Variants in FAM210B observed in about 807,000 individuals in gnomAD.
The protein encoded by FAM210B is family with sequence similarity 210 member B.
In FAM210B, 11 loss-of-function variants were observed where a neutral mutation model predicts 14.9. That is an observed-to-expected ratio of 0.74 (90% confidence interval 0.46 to 1.22). The LOEUF (loss-of-function observed/expected upper bound fraction) is 1.22, where lower values mean the gene tolerates loss of function less well. Ranked by LOEUF, FAM210B falls within the 50% of genes most tolerant of loss-of-function variation. FAM210B has a pLI of 0.00. For missense variants in FAM210B, 229 were observed against 250.1 expected, an observed-to-expected ratio of 0.92 and a Z score of 0.57; for synonymous variants, 113 against 110.2, an observed-to-expected ratio of 1.03 and a Z score of -0.16.
At chr20:56,365,802 C>A (rs184020497) in intron 2 of FAM210B, among the ~76,000 whole-genome samples, 2 of 151,888 alleles carry the variant, frequency 1.3e-5, no homozygotes, top group Admixed American at 6.6e-5. Flanking sequence ...CGCGTCAGGC[C>A]GATTGTATGT....
chr20:56,359,268 G>A lies in FAM210B; in HGVS notation c.186+77G>A. On this transcript the variant is annotated intron_variant, in intron 1 of 2. Transcript: ENST00000371384. The surrounding 1 kb of genome is among the most constrained non-coding windows in gnomAD (Gnocchi z 4.3). ...GTCCGCAGGGCCGCGCCGGGGTCCGGCCGCCTCCGCCAAGGACGCCTTTGC... is the reference window on the plus strand; with the variant it reads ...GTCCGCAGGGCCGCGCCGGGGTCCGACCGCCTCCGCCAAGGACGCCTTTGC... 1 of 1,197,462 alleles carries A rather than the reference G, an allele frequency of 8.4e-7. No homozygotes were observed. The highest frequency in any genetic ancestry group is 1.0e-6 in the Non-Finnish European group (1 of 964,336). 74.2% of individuals were successfully genotyped at this position (1,197,462 alleles called of 1,614,324 possible). A position where few individuals can be genotyped will look rare whatever the true frequency, so the allele number is the denominator to read the frequency against.
rs758212821 is a variant in FAM210B at position 56,365,566 on chromosome 20, C to T, written c.362+304C>T. The stretch of plus-strand genomic sequence containing the variant: ...CTGTTGCCAGACTGGAGTGCAGTGG[C>T]GTGATCTCGGCTCACTGCAAGCTCT... On this transcript the variant is annotated intron_variant, in intron 2 of 2. Coordinates refer to ENST00000371384, the MANE Select transcript of FAM210B (RefSeq NM_080821.3). Among the ~76,000 whole-genome samples, 38 of 152,078 alleles carry T rather than the reference C, an allele frequency of 2.5e-4. 1 individual carries two copies. Among genetic ancestry groups the T allele is most frequent in the Non-Finnish European group, 4.9e-4 (33 of 68,014 alleles).
Position 56,365,105 on chromosome 20 carries a change from G to A in FAM210B, c.205G>A (p.Gly69Arg). 6.2e-7 allele frequency: 1 copy of A among 1,613,410 alleles called. No individual in the cohort carries two copies. The highest frequency in any genetic ancestry group is 1.1e-5 in the South Asian group (1 of 91,018). ...TACACAGGACCCCAGCCAGGCCACG[G>A]GGACAACAGGCAGCAGCGTCAGCTG... ...RGHQDPSQAT[G>R]TTGSSVSCTE... Residue 69 changes from glycine to arginine, a missense_variant, in exon 2 of 3, where the codon GGG becomes AGG. Gly to Arg is a moderately radical substitution (Grantham distance 125). Transcript: ENST00000371384.
chr20:56,360,426 TC>T (rs1569021119), intron 1 of FAM210B: 1 of 352,228 alleles, frequency 2.8e-6, no homozygotes, highest in Non-Finnish European at 5.7e-6. Context: ...ATTGACCTTG[TC>T]CCCAGCTCAG....
chr20:56,365,799 G>A (rs1257677771), intron 2 of FAM210B, among the ~76,000 whole-genome samples: 1 of 151,924 alleles, frequency 6.6e-6, no homozygotes, highest in East Asian at 1.9e-4. Flanking sequence ...CCCCGCGTCA[G>A]GCCGATTGTA....
chr20:56,364,726 G>A (rs1489722182), intron 1 of FAM210B, among the ~76,000 whole-genome samples: 3 of 152,070 alleles, frequency 2.0e-5, no homozygotes, highest in Non-Finnish European at 4.4e-5. Context: ...AGGCCAAGGC[G>A]GGTGGATCAC....
At position 56,362,404 on chromosome 20, in the gene FAM210B, T is replaced by TGA. The variant is rs1983552573; in HGVS notation, c.187-2683_187-2682insGA. Among the ~76,000 whole-genome samples the TGA allele has an allele frequency of 2.6e-5, 4 of 152,144 alleles. No individual in the cohort carries two copies. The highest frequency in any genetic ancestry group is 1.3e-4 in the Admixed American group (2 of 15,282). On this transcript the variant is annotated intron_variant, in intron 1 of 2. Transcript: ENST00000371384. This position sits in a 1 kb window ranked among gnomAD's most constrained non-coding sequence, Gnocchi z 4.8. Reference sequence around the variant, plus strand: ...TACAGACAGAAGATGTGTCACGCCGTCCTGTGCATTCAGGACAGTGCCTAA... The same window carrying TGA: ...TACAGACAGAAGATGTGTCACGCCGTGACCTGTGCATTCAGGACAGTGCCTAA...
Position 56,363,540 on chromosome 20 carries a change from G to A in FAM210B, c.187-1547G>A, listed in dbSNP as rs1163518706. ...CAAGAGCTGACCTCCAGCCAGGTGCGCATCACCTGCCGGGACAAGCCCCAG... is the reference window on the plus strand; with the variant it reads ...CAAGAGCTGACCTCCAGCCAGGTGCACATCACCTGCCGGGACAAGCCCCAG... On this transcript the variant is annotated intron_variant, in intron 1 of 2. Transcript: ENST00000371384. The surrounding 1 kb of genome is among the most constrained non-coding windows in gnomAD (Gnocchi z 4.1). Among the ~76,000 whole-genome samples, 1 of 152,204 alleles carries A rather than the reference G, an allele frequency of 6.6e-6. No individual in the cohort carries two copies. Among genetic ancestry groups the A allele is most frequent in the South Asian group, 2.1e-4 (1 of 4,826 alleles).
chr20:56,359,114 C>T lies in FAM210B; in HGVS notation c.109C>T (p.Leu37=). ...GATAPCAPPP[L]ALALLPPRLD... ...CACCGCCCCCTGCGCCCCGCCGCCC[C>T]TGGCCCTGGCCCTGCTCCCGCCCAG... is the stretch of plus-strand genomic sequence containing the variant. The change falls in exon 1 of 3, where the codon CTG becomes TTG. Residue 37 remains leucine, a synonymous_variant. Transcript: ENST00000371384. This position sits in a 1 kb window ranked among gnomAD's most constrained non-coding sequence, Gnocchi z 4.3. 7.6e-7 allele frequency: 1 copy of T among 1,311,234 alleles called. No homozygotes were observed. The allele number at this position is 1,311,234 out of a possible 1,614,324, so 81.2% of individuals were successfully genotyped here. A position where few individuals can be genotyped will look rare whatever the true frequency, so the allele number is the denominator to read the frequency against.
In FAM210B at chr20:56,363,610, A is replaced by G. The variant is rs1983575104; in HGVS notation, c.187-1477A>G. On this transcript the variant is annotated intron_variant, in intron 1 of 2. Coordinates refer to ENST00000371384, the MANE Select transcript of FAM210B (RefSeq NM_080821.3). This position sits in a 1 kb window ranked among gnomAD's most constrained non-coding sequence, Gnocchi z 4.1. ...TTTTGATTAAAGTGCTCTGTTATTG[A>G]GAAGTGGTTTTTTTCCCTCCCCTAA... is the stretch of plus-strand genomic sequence containing the variant. Among the ~76,000 whole-genome samples, 1 of 152,130 alleles carries G rather than the reference A, an allele frequency of 6.6e-6. No individual in the cohort carries two copies. Among genetic ancestry groups the G allele is most frequent in the Non-Finnish European group, 1.5e-5 (1 of 68,042 alleles).
chr20:56,360,082 T>C (rs1279924502), intron 1 of FAM210B: 2 of 419,302 alleles, frequency 4.8e-6, no homozygotes, highest in Non-Finnish European at 9.8e-6. Context: ...GAACATCTCC[T>C]GACCGTTTCC....
In FAM210B at chr20:56,359,045, G is replaced by A. The variant is rs1983477821; in HGVS notation, c.40G>A (p.Val14Met). 2 of 1,351,522 alleles carry A rather than the reference G, an allele frequency of 1.5e-6. No individual in the cohort carries two copies. Among genetic ancestry groups the A allele is most frequent in the African/African-American group, 1.5e-5 (1 of 65,548 alleles). 83.7% of individuals were successfully genotyped at this position (1,351,522 alleles called of 1,614,324 possible). A position where few individuals can be genotyped will look rare whatever the true frequency, so the allele number is the denominator to read the frequency against. Residue 14 changes from valine (V) to methionine (M), a missense_variant, in exon 1 of 3, where the codon GTG becomes ATG. Transcript: ENST00000371384. The surrounding 1 kb of genome is among the most constrained non-coding windows in gnomAD (Gnocchi z 4.3). ...LLALLGPAGR[V>M]GARVRPRATW... ...GGCGTTGCTGGGTCCGGCAGGCAGG[G>A]TGGGCGCCCGGGTCCGGCCTCGCGC...
In FAM210B at chr20:56,366,412, A is replaced by G. The variant is rs1983637597; in HGVS notation, c.*125A>G. The stretch of plus-strand genomic sequence containing the variant: ...GTAGGGGGCTAATTGCTATGTTCTC[A>G]TGGATAAACTTTGCCAGCAAAAATC... On this transcript the variant is annotated 3_prime_UTR_variant, in exon 3 of 3. Coordinates refer to ENST00000371384, the MANE Select transcript of FAM210B (RefSeq NM_080821.3). 7 of 868,096 alleles carry G rather than the reference A, an allele frequency of 8.1e-6. No homozygotes were observed. The highest frequency in any genetic ancestry group is 2.9e-5 in the Admixed American group (1 of 34,648). The allele number at this position is 868,096 out of a possible 1,614,324, so 53.8% of individuals were successfully genotyped here. A position where few individuals can be genotyped will look rare whatever the true frequency, so the allele number is the denominator to read the frequency against.
At chr20:56,360,279 G>A in intron 1 of FAM210B, 1 of 468,708 alleles carries the variant, frequency 2.1e-6, no homozygotes, top group South Asian at 1.5e-5. Context: ...GCCCAGCCCA[G>A]CTGTTCCTTC....
In FAM210B at chr20:56,359,523, AGTT is replaced by A. The variant is rs1983489802; in HGVS notation, c.186+338_186+340del. 6.6e-6 allele frequency among the ~76,000 whole-genome samples: 1 copy of A among 152,066 alleles called. No individual in the cohort carries two copies. Among genetic ancestry groups the A allele is most frequent in the Non-Finnish European group, 1.5e-5 (1 of 68,010 alleles). On this transcript the variant is annotated intron_variant, in intron 1 of 2. Transcript: ENST00000371384. The surrounding 1 kb of genome is among the most constrained non-coding windows in gnomAD (Gnocchi z 4.3). ...CTGAACTTCCACACGTTGCCTGCGG[AGTT>A]GTTGTCCAGGCCTTCTGGCTGGGTC... is the stretch of plus-strand genomic sequence containing the variant.
Position 56,366,257 on chromosome 20 carries a change from A to G in FAM210B, c.549A>G (p.Gly183=), listed in dbSNP as rs769738548. ...PLIVRYFRKV[G]FFKPPAAKP The stretch of plus-strand genomic sequence containing the variant: ...TTGTCAGATATTTTCGAAAAGTGGG[A>G]TTTTTTAAACCTCCAGCTGCAAAAC... Residue 183 remains glycine, a synonymous_variant, in exon 3 of 3, where the codon GGA becomes GGG. Transcript: ENST00000371384. The G allele has an allele frequency of 3.7e-5, 59 of 1,614,060 alleles. No individual in the cohort carries two copies. The South Asian group carries it at 6.5e-4, about 18-fold the overall frequency.
In FAM210B at chr20:56,365,361, G is replaced by T. The variant is rs560018680; in HGVS notation, c.362+99G>T. The T allele has an allele frequency of 5.5e-5, 73 of 1,321,822 alleles. No individual in the cohort carries two copies. The African/African-American group carries it at 8.8e-4, about 16-fold the overall frequency. 81.9% of individuals were successfully genotyped at this position (1,321,822 alleles called of 1,614,324 possible). A position where few individuals can be genotyped will look rare whatever the true frequency, so the allele number is the denominator to read the frequency against. On this transcript the variant is annotated intron_variant, in intron 2 of 2. Coordinates refer to ENST00000371384, the MANE Select transcript of FAM210B (RefSeq NM_080821.3). ...GCTAAGACTTTTTTTTTAAGACAGG[G>T]TCTCACTCCACTGCCCAGGCTGGAG...
rs1199213333 is a variant in FAM210B at position 56,366,102 on chromosome 20, C to G, written c.394C>G (p.Leu132Val). The change falls in exon 3 of 3, where the codon CTC becomes GTC. Residue 132 changes from leucine to valine, a missense_variant. Physicochemically the swap from Leu to Val is conservative, Grantham distance 32. Coordinates refer to ENST00000371384, the MANE Select transcript of FAM210B (RefSeq NM_080821.3). ...GVDMPAILLKLGFKESLVQSK... is the reference protein window; with the variant it reads ...GVDMPAILLKVGFKESLVQSK... ...GGACATGCCTGCAATCCTGCTGAAACTCGGATTTAAAGAGTCCCTGGTACA... is the reference window on the plus strand; with the variant it reads ...GGACATGCCTGCAATCCTGCTGAAAGTCGGATTTAAAGAGTCCCTGGTACA... 1.2e-6 allele frequency: 2 copies of G among 1,614,140 alleles called. No homozygotes were observed. The highest frequency in any genetic ancestry group is 3.3e-5 in the Admixed American group (2 of 60,014).
Position 56,367,095 on chromosome 20 carries a change from A to G in FAM210B, c.*808A>G, listed in dbSNP as rs867979912. 107 of 152,692 alleles carry G rather than the reference A, an allele frequency of 7.0e-4. No individual in the cohort carries two copies. The highest frequency in any genetic ancestry group is 2.3e-3 in the African/African-American group (96 of 41,564). The allele number at this position is 152,692 out of a possible 1,614,324, so 9.5% of individuals were successfully genotyped here. A position where few individuals can be genotyped will look rare whatever the true frequency, so the allele number is the denominator to read the frequency against. ...TTTTCTTAGACAATCTTCTATCTCAAACTTCAGACATTCCAGAATTGTCAT... is the reference window on the plus strand; with the variant it reads ...TTTTCTTAGACAATCTTCTATCTCAGACTTCAGACATTCCAGAATTGTCAT... On this transcript the variant is annotated 3_prime_UTR_variant, in exon 3 of 3. Coordinates refer to ENST00000371384, the MANE Select transcript of FAM210B (RefSeq NM_080821.3).
Sources: gnomAD v4.1 joint callset for allele counts (sites outside exome capture counted in the v4.1 genomes callset) on GRCh38, gnomAD v4.1.1 for gene constraint, Gnocchi (gnomAD v3.1) non-coding constraint, MANE v1.5 for transcripts, NCBI Gene and HGNC (gene_info 2026-07-23, HGNC 2026-07-21) for gene names.